Variants in ABLIM2 observed in about 807,000 individuals in gnomAD.
ABLIM2 encodes the protein actin binding LIM protein family member 2.
In ABLIM2, 53 loss-of-function variants were observed where a neutral mutation model predicts 97.7. The ratio of observed to expected loss-of-function variants is 0.54; its 90% confidence interval spans 0.44 to 0.68. The LOEUF (loss-of-function observed/expected upper bound fraction) is 0.68. Ranked by LOEUF, ABLIM2 falls within the 30% of genes least tolerant of loss-of-function variation. The pLI, the probability that ABLIM2 is intolerant of heterozygous loss-of-function variation, is 0.00. For missense variants in ABLIM2, 835 were observed against 867.2 expected, an observed-to-expected ratio of 0.96 and a Z score of 0.47; for synonymous variants, 361 against 345.8, an observed-to-expected ratio of 1.04 and a Z score of -0.49.
chr4:8,029,524 C>T lies in ABLIM2; in HGVS notation c.1168+132G>A, dbSNP rs914051475. On this transcript the variant is annotated intron_variant, in intron 11 of 20. Coordinates refer to ENST00000447017, the MANE Select transcript of ABLIM2 (RefSeq NM_001130083.2). ...AGCCACCCACCCGCTGGCAATCCCA[C>T]CCATTTCCATCATATTTCCAGTTGT... The T allele has an allele frequency of 4.2e-6, 5 of 1,201,526 alleles. No individual in the cohort carries two copies. The African/African-American group carries it at 4.7e-5, about 11-fold the overall frequency. The allele number at this position is 1,201,526 out of a possible 1,614,324, so 74.4% of individuals were successfully genotyped here. A position where few individuals can be genotyped will look rare whatever the true frequency, so the allele number is the denominator to read the frequency against.
rs977113055 is a variant in ABLIM2 at position 8,015,639 on chromosome 4, G to A, written c.1423+3979C>T. On this transcript the variant is annotated intron_variant, in intron 14 of 20. Transcript: ENST00000447017. This position sits in a 1 kb window ranked among gnomAD's most constrained non-coding sequence, Gnocchi z 4.6. Reference sequence around the variant, plus strand: ...TGTGTCCCGTGGGGTCACTTCCACTGTTGGCTTTGGGTGGGCAGGAGTGAC... The same window carrying A: ...TGTGTCCCGTGGGGTCACTTCCACTATTGGCTTTGGGTGGGCAGGAGTGAC... 6.6e-6 allele frequency among the ~76,000 whole-genome samples: 1 copy of A among 152,224 alleles called. No individual in the cohort carries two copies. The highest frequency in any genetic ancestry group is 2.4e-5 in the African/African-American group (1 of 41,460).
rs1302548293 is a variant in ABLIM2 at position 7,970,700 on chromosome 4, G to A, written c.1825-3597C>T. On this transcript the variant is annotated intron_variant, in intron 20 of 20. Coordinates refer to ENST00000447017, the MANE Select transcript of ABLIM2 (RefSeq NM_001130083.2). The surrounding 1 kb of genome is among the most constrained non-coding windows in gnomAD (Gnocchi z 5.3). ...GATGACTGTGGGGGGGCGGTGGAGG[G>A]AGCATCTGGGTGGCTTCTGAAGTTG... 1.3e-5 allele frequency among the ~76,000 whole-genome samples: 2 copies of A among 151,938 alleles called. No homozygotes were observed. The highest frequency in any genetic ancestry group is 6.6e-5 in the Admixed American group (1 of 15,258).
At chr4:8,098,120 A>G (rs1178677844) in intron 2 of ABLIM2, among the ~76,000 whole-genome samples, 1 of 152,136 alleles carries the variant, frequency 6.6e-6, no homozygotes, top group Admixed American at 6.5e-5. Context: ...TGCCCAGGCC[A>G]TGCATGGTTT....
intron 10 of ABLIM2, among the ~76,000 whole-genome samples, chr4:8,034,331 G>A (rs1179594833): frequency 1.3e-5 from 2 of 150,386 alleles, no homozygotes; most frequent in Admixed American, 6.6e-5. Flanking sequence ...GTAGGTGGAT[G>A]CACATGGGTG....
At chr4:8,139,902 C>T (rs1405395368) in intron 1 of ABLIM2, among the ~76,000 whole-genome samples, 1 of 152,054 alleles carries the variant, frequency 6.6e-6, no homozygotes, top group African/African-American at 2.4e-5. Context: ...ACATATACAC[C>T]GTGGAATACT....
chr4:8,025,183 C>A (rs1054311518), intron 12 of ABLIM2, among the ~76,000 whole-genome samples: 1 of 152,226 alleles, frequency 6.6e-6, no homozygotes, highest in Admixed American at 6.5e-5. Flanking sequence ...CCACCTTGGC[C>A]TCCCAAAGTG....
Position 8,148,493 on chromosome 4 carries a change from G to A in ABLIM2, c.10+10187C>T, listed in dbSNP as rs781269555. ...CGGTGCTTCTCAGCCGAATCACCTC[G>A]GGAGAGTTACCTAATTCCCTGGGCC... On this transcript the variant is annotated intron_variant, in intron 1 of 20. Transcript: ENST00000447017. The surrounding 1 kb of genome is among the most constrained non-coding windows in gnomAD (Gnocchi z 6.7). Among the ~76,000 whole-genome samples, 1 of 152,138 alleles carries A rather than the reference G, an allele frequency of 6.6e-6. No individual in the cohort carries two copies. The highest frequency in any genetic ancestry group is 1.9e-4 in the East Asian group (1 of 5,184).
chr4:7,979,848 G>C (rs891501243), intron 20 of ABLIM2, among the ~76,000 whole-genome samples: 2 of 152,188 alleles, frequency 1.3e-5, no homozygotes, highest in Admixed American at 6.5e-5. Flanking sequence ...TTAAAGGGTG[G>C]TCATATTACC....
rs986478293 is a variant in ABLIM2 at position 8,044,757 on chromosome 4, T to C, written c.900+407A>G. Among the ~76,000 whole-genome samples the C allele has an allele frequency of 1.3e-5, 2 of 151,994 alleles. No individual in the cohort carries two copies. The highest frequency in any genetic ancestry group is 2.9e-5 in the Non-Finnish European group (2 of 68,030). On this transcript the variant is annotated intron_variant, in intron 9 of 20. Coordinates refer to ENST00000447017, the MANE Select transcript of ABLIM2 (RefSeq NM_001130083.2). This position sits in a 1 kb window ranked among gnomAD's most constrained non-coding sequence, Gnocchi z 4.4. ...AACTTGCTTCTTTTAGGGAACACGC[T>C]GGGAGAGCGTGCGTGTTGATGTACA...
chr4:8,135,947 T>C (rs1850135386), intron 1 of ABLIM2, among the ~76,000 whole-genome samples: 1 of 152,126 alleles, frequency 6.6e-6, no homozygotes, highest in South Asian at 2.1e-4. Context: ...TGCTCTGAGG[T>C]CACCTGCCAC....
rs1455333710 is a variant in ABLIM2 at position 8,068,585 on chromosome 4, C to G, written c.676-7531G>C. Among the ~76,000 whole-genome samples, 11 of 152,368 alleles carry G rather than the reference C, an allele frequency of 7.2e-5. No individual in the cohort carries two copies. Among genetic ancestry groups the G allele is most frequent in the Non-Finnish European group, 5.9e-5 (4 of 68,038 alleles). ...GATCAGCCCTCTCTGCCATGAGCCCCTCACACCTGAGGCAGGAGGCCCCTT... is the reference window on the plus strand; with the variant it reads ...GATCAGCCCTCTCTGCCATGAGCCCGTCACACCTGAGGCAGGAGGCCCCTT... On this transcript the variant is annotated intron_variant, in intron 6 of 20. Coordinates refer to ENST00000447017, the MANE Select transcript of ABLIM2 (RefSeq NM_001130083.2). This position sits in a 1 kb window ranked among gnomAD's most constrained non-coding sequence, Gnocchi z 4.5.
chr4:8,102,654 C>T (rs1017608894), intron 2 of ABLIM2, among the ~76,000 whole-genome samples: 1 of 152,218 alleles, frequency 6.6e-6, no homozygotes, highest in African/African-American at 2.4e-5. Flanking sequence ...GGGGCAGCCA[C>T]GGACAAGAGG....
chr4:8,018,789 C>T (rs141911101), intron 14 of ABLIM2, among the ~76,000 whole-genome samples: 333 of 152,328 alleles, frequency 2.2e-3, no homozygotes, highest in Non-Finnish European at 4.1e-3. Context: ...CTTTTCCCAT[C>T]GCTAGTGACT....
At chr4:8,050,375 G>A (rs959175336) in intron 8 of ABLIM2, among the ~76,000 whole-genome samples, 1 of 152,242 alleles carries the variant, frequency 6.6e-6, no homozygotes, top group African/African-American at 2.4e-5. Flanking sequence ...AGAGAATAGT[G>A]AGTGCTCCCT....
At chr4:8,039,031 C>T (rs1345579925) in intron 9 of ABLIM2, among the ~76,000 whole-genome samples, 1 of 152,126 alleles carries the variant, frequency 6.6e-6, no homozygotes, top group Non-Finnish European at 1.5e-5. Flanking sequence ...GGCTTCCTTC[C>T]CCACACCCCC....
rs959514724 is a variant in ABLIM2 at position 7,996,058 on chromosome 4, T to G, written c.1619-3131A>C. Among the ~76,000 whole-genome samples, 1 of 152,170 alleles carries G rather than the reference T, an allele frequency of 6.6e-6. No homozygotes were observed. The highest frequency in any genetic ancestry group is 6.5e-5 in the Admixed American group (1 of 15,284). ...CCTCCTTCATGCCCAGAGCCAGGCA[T>G]GCTCTGGGAGCCCGAGGGCCCCTCC... On this transcript the variant is annotated intron_variant, in intron 16 of 20. Transcript: ENST00000447017. This position sits in a 1 kb window ranked among gnomAD's most constrained non-coding sequence, Gnocchi z 4.5.
At chr4:8,063,317 G>A (rs1490730774) in intron 6 of ABLIM2, among the ~76,000 whole-genome samples, 1 of 152,210 alleles carries the variant, frequency 6.6e-6, no homozygotes, top group Non-Finnish European at 1.5e-5. Flanking sequence ...TGCCCCCCTT[G>A]GCTTCCCAAA....
chr4:7,993,549 C>T (rs183161494), intron 16 of ABLIM2, among the ~76,000 whole-genome samples: 202 of 152,220 alleles, frequency 1.3e-3, no homozygotes, highest in Non-Finnish European at 2.4e-3. Flanking sequence ...TGGTGGTGCA[C>T]GCCTGTGGTC....
chr4:7,998,676 G>C lies in ABLIM2; in HGVS notation c.1619-5749C>G, dbSNP rs192092297. 131 of 510,696 alleles carry C rather than the reference G, an allele frequency of 2.6e-4. No individual in the cohort carries two copies. Among genetic ancestry groups the C allele is most frequent in the African/African-American group, 2.1e-3 (109 of 51,852 alleles). The allele number at this position is 510,696 out of a possible 1,614,324, so 31.6% of individuals were successfully genotyped here. On this transcript the variant is annotated intron_variant, in intron 16 of 20. Coordinates refer to ENST00000447017, the MANE Select transcript of ABLIM2 (RefSeq NM_001130083.2). The surrounding 1 kb of genome is among the most constrained non-coding windows in gnomAD (Gnocchi z 6.4). ...CCTCGTCACCTTTTGCCACCACATG[G>C]GAGGCTGGGAGTCTGCAGGTCTGGG...
Sources: allele counts gnomAD v4.1 joint callset (sites outside exome capture counted in the v4.1 genomes callset), GRCh38; gene constraint gnomAD v4.1.1; non-coding constraint Gnocchi (gnomAD v3.1); transcripts MANE v1.5; gene names NCBI Gene and HGNC (gene_info 2026-07-23, HGNC 2026-07-21).